Variants in PPP3CC observed in about 807,000 individuals in gnomAD.
PPP3CC encodes serine/threonine-protein phosphatase 2B catalytic subunit gamma isoform.
A neutral mutation model predicts 60.3 loss-of-function variants in PPP3CC; 35 were observed. The observed-to-expected ratio is 0.58, with a 90% CI of 0.44 to 0.77. The LOEUF is 0.77. Ranked by LOEUF, PPP3CC falls within the 30% of genes least tolerant of loss-of-function variation. PPP3CC has a pLI of 0.00. For missense variants in PPP3CC, 570 were observed against 628.9 expected, an observed-to-expected ratio of 0.91 and a Z score of 1.00; for synonymous variants, 206 against 224.3, an observed-to-expected ratio of 0.92 and a Z score of 0.73.
At chr8:22,484,987 T>G (rs1264063238) in intron 3 of PPP3CC, among the ~76,000 whole-genome samples, 1 of 152,194 alleles carries the variant, frequency 6.6e-6, no homozygotes, top group South Asian at 2.1e-4. Context: ...TCCTTTTTTT[T>G]AGCCTCAAAA....
chr8:22,453,796 A>T (rs542869224), intron 1 of PPP3CC, among the ~76,000 whole-genome samples: 3 of 152,354 alleles, frequency 2.0e-5, no homozygotes, highest in Admixed American at 2.0e-4. Flanking sequence ...CACAACAGTA[A>T]GTCTTTGGGT....
intron 4 of PPP3CC, among the ~76,000 whole-genome samples, chr8:22,505,464 C>A (rs899012398): frequency 2.6e-5 from 4 of 152,094 alleles, no homozygotes; most frequent in African/African-American, 9.7e-5. Flanking sequence ...TGTCATTGCT[C>A]ATTGCAGCAT....
intron 6 of PPP3CC, among the ~76,000 whole-genome samples, chr8:22,519,532 G>A (rs756782127): frequency 7.3e-5 from 11 of 151,498 alleles, no homozygotes; most frequent in East Asian, 1.9e-4. Flanking sequence ...TTTGTTCATC[G>A]GGTTTGCATC....
At chr8:22,456,766 G>A (rs1361930939) in intron 1 of PPP3CC, among the ~76,000 whole-genome samples, 1 of 152,120 alleles carries the variant, frequency 6.6e-6, no homozygotes, top group African/African-American at 2.4e-5. Context: ...CCTTCTCCAC[G>A]GGAAACTCAG....
chr8:22,510,082 G>A (rs1839040129), intron 4 of PPP3CC, among the ~76,000 whole-genome samples: 1 of 151,632 alleles, frequency 6.6e-6, no homozygotes, highest in African/African-American at 2.4e-5. Context: ...TACTTGGGAG[G>A]CTGAGGCAGA....
intron 1 of PPP3CC, among the ~76,000 whole-genome samples, chr8:22,451,479 A>T (rs1837024204): frequency 1.3e-5 from 2 of 152,134 alleles, no homozygotes; most frequent in African/African-American, 4.8e-5. Context: ...CCTAATCCAA[A>T]ATCTGACATT....
At chr8:22,458,512 T>C (rs1420614937) in intron 1 of PPP3CC, among the ~76,000 whole-genome samples, 1 of 151,416 alleles carries the variant, frequency 6.6e-6, no homozygotes, top group East Asian at 2.0e-4. Flanking sequence ...ACAGGAGAAT[T>C]GCTTGAACCT....
intron 1 of PPP3CC, among the ~76,000 whole-genome samples, chr8:22,472,326 AT>A (rs894632384): frequency 3.1e-4 from 46 of 148,546 alleles, no homozygotes; most frequent in African/African-American, 9.5e-4. Flanking sequence ...AAAAGTTTAA[AT>A]TTTTTTTTAA....
intron 3 of PPP3CC, among the ~76,000 whole-genome samples, chr8:22,487,574 T>C (rs1838262102): frequency 6.6e-6 from 1 of 151,962 alleles, no homozygotes; most frequent in East Asian, 1.9e-4. Context: ...GCAGTGAGCC[T>C]AGATTATGCC....
intron 1 of PPP3CC, among the ~76,000 whole-genome samples, chr8:22,467,395 G>A (rs1375614351): frequency 6.6e-6 from 1 of 151,976 alleles, no homozygotes; most frequent in Non-Finnish European, 1.5e-5. Flanking sequence ...TTATTTTTAT[G>A]TGTATTTTAG....
intron 1 of PPP3CC, among the ~76,000 whole-genome samples, chr8:22,447,429 G>A (rs1021460255): frequency 1.4e-4 from 22 of 151,804 alleles, no homozygotes; most frequent in Non-Finnish European, 2.1e-4. Context: ...TGATCCGCCC[G>A]TCTCGGCCTC....
At chr8:22,520,117 T>C (rs1052391458) in intron 6 of PPP3CC, among the ~76,000 whole-genome samples, 1 of 152,198 alleles carries the variant, frequency 6.6e-6, no homozygotes, top group East Asian at 1.9e-4. Flanking sequence ...CAGGTTTTTT[T>C]TTCTTTCTTT....
At chr8:22,537,694 G>A (rs182254443) in intron 12 of PPP3CC, among the ~76,000 whole-genome samples, 7 of 152,252 alleles carry the variant, frequency 4.6e-5, no homozygotes, top group East Asian at 3.9e-4. Context: ...TGTGGTAAAC[G>A]CAATGGAATA....
Position 22,513,396 on chromosome 8 carries a change from C to G in PPP3CC, c.734C>G (p.Thr245Ser), listed in dbSNP as rs748058050. 1.2e-6 allele frequency: 2 copies of G among 1,613,654 alleles called. No individual in the cohort carries two copies. The highest frequency in any genetic ancestry group is 1.7e-6 in the Non-Finnish European group (2 of 1,179,824). Residue 245 changes from threonine (T) to serine (S), a missense_variant, in exon 6 of 14, where the codon ACC (threonine) becomes AGC (serine). Physicochemically the swap from Thr to Ser is moderately conservative, Grantham distance 58. Transcript: ENST00000240139. The part of the protein sequence containing the change: ...YGNEKTLEHY[T>S]HNTVRGCSYF... ...AATGAGAAGACCTTGGAGCACTATA[C>G]CCACAACACTGTCCGAGGGTGCTCT...
chr8:22,518,045 T>A (rs1477797894), intron 6 of PPP3CC, among the ~76,000 whole-genome samples: 1 of 151,906 alleles, frequency 6.6e-6, no homozygotes. Flanking sequence ...ATATGTATAT[T>A]TTTGTTTTCA....
intron 6 of PPP3CC, among the ~76,000 whole-genome samples, chr8:22,520,141 A>G (rs1839366797): frequency 6.6e-6 from 1 of 151,968 alleles, no homozygotes; most frequent in Non-Finnish European, 1.5e-5. Flanking sequence ...TACTTTGAAT[A>G]TATTATCTCC....
intron 8 of PPP3CC, among the ~76,000 whole-genome samples, chr8:22,526,019 C>T (rs972040819): frequency 2.0e-5 from 3 of 151,670 alleles, no homozygotes; most frequent in Admixed American, 1.3e-4. Context: ...AGGTGCACGT[C>T]GCCACGCCTG....
intron 3 of PPP3CC, 184 bp downstream of exon 3, chr8:22,475,808 C>A (rs376866269): frequency 3.4e-6 from 2 of 585,770 alleles, no homozygotes; most frequent in Non-Finnish European, 5.4e-6. Flanking sequence ...TAAAACCAGT[C>A]GAAAATCTGA....
intron 6 of PPP3CC, among the ~76,000 whole-genome samples, chr8:22,520,217 A>G (rs1475315817): frequency 2.0e-5 from 3 of 151,962 alleles, no homozygotes; most frequent in East Asian, 1.9e-4. Context: ...GCTTCCTTGT[A>G]TATTATATGA....
Sources: gnomAD v4.1 joint callset for allele counts (sites outside exome capture counted in the v4.1 genomes callset) on GRCh38, gnomAD v4.1.1 for gene constraint, MANE v1.5 for transcripts, NCBI Gene and HGNC (gene_info 2026-07-23, HGNC 2026-07-21) for gene names.